The following KIF5A variants were observed in gnomAD, a reference collection of about 807,000 sequenced individuals.
KIF5A encodes kinesin heavy chain isoform 5A.
A neutral mutation model predicts 141.3 loss-of-function variants in KIF5A; 35 were observed. That is an observed-to-expected ratio of 0.25 (90% confidence interval 0.19 to 0.33). The LOEUF (loss-of-function observed/expected upper bound fraction) is 0.33, where lower values mean the gene tolerates loss of function less well. Among genes scored for constraint, KIF5A ranks in the 10% least tolerant of loss-of-function variants. The pLI, the probability that KIF5A is intolerant of heterozygous loss-of-function variation, is 1.00. For synonymous variants in KIF5A, 448 were observed against 500.2 expected (o/e 0.90, Z 1.39); for missense variants, 861 against 1,314.3 (o/e 0.66, Z 5.33).
At chr12:57,561,988 C>T (rs1881921116) in intron 1 of KIF5A, among the ~76,000 whole-genome samples, 1 of 152,196 alleles carries the variant, frequency 6.6e-6, no homozygotes, top group African/African-American at 2.4e-5. Context: ...TAAAGATGGA[C>T]TCTGTAGTAA....
chr12:57,556,861 G>A (rs1881763836), intron 1 of KIF5A, among the ~76,000 whole-genome samples: 1 of 152,060 alleles, frequency 6.6e-6, no homozygotes, highest in African/African-American at 2.4e-5. Flanking sequence ...GGCTGCACTG[G>A]CAGTTGATTA....
intron 1 of KIF5A, among the ~76,000 whole-genome samples, chr12:57,554,032 G>C (rs1881659526): frequency 6.6e-6 from 1 of 152,196 alleles, no homozygotes; most frequent in African/African-American, 2.4e-5. Context: ...TGGAAAAAGG[G>C]AGTGATGAAA....
At chr12:57,579,239 A>G (rs2140170296) in intron 23 of KIF5A, among the ~76,000 whole-genome samples, 1 of 152,212 alleles carries the variant, frequency 6.6e-6, no homozygotes, top group East Asian at 1.9e-4. Flanking sequence ...GGCAGTCCAA[A>G]GGAGTCAGGA....
At chr12:57,554,470 A>G (rs1565692327) in intron 1 of KIF5A, among the ~76,000 whole-genome samples, 1 of 152,142 alleles carries the variant, frequency 6.6e-6, no homozygotes, top group South Asian at 2.1e-4. Flanking sequence ...AGTGGGTAAC[A>G]CTTTTCCTTT....
At chr12:57,562,104 G>T (rs1257128579) in intron 1 of KIF5A, among the ~76,000 whole-genome samples, 1 of 152,192 alleles carries the variant, frequency 6.6e-6, no homozygotes, top group Non-Finnish European at 1.5e-5. Flanking sequence ...ATATTCATTG[G>T]TTAGCTTCCT....
intron 23 of KIF5A, among the ~76,000 whole-genome samples, chr12:57,579,584 G>T (rs141722158): frequency 6.6e-6 from 1 of 152,122 alleles, no homozygotes; most frequent in African/African-American, 2.4e-5. Context: ...CCTGCAGAGG[G>T]CTTTGCTACG....
intron 1 of KIF5A, among the ~76,000 whole-genome samples, chr12:57,561,243 T>C (rs1356686386): frequency 6.6e-6 from 1 of 152,202 alleles, no homozygotes; most frequent in East Asian, 1.9e-4. Flanking sequence ...TTTCACCATG[T>C]TGCCCAGTCT....
chr12:57,560,562 G>T (rs1470302907), intron 1 of KIF5A, among the ~76,000 whole-genome samples: 1 of 152,148 alleles, frequency 6.6e-6, no homozygotes, highest in Non-Finnish European at 1.5e-5. Context: ...GAGGTGAAAA[G>T]AAATTTTACC....
chr12:57,575,275 G>A lies in KIF5A; in HGVS notation c.1905+3G>A. Reference sequence around the variant, plus strand: ...CCTGCCAGCTCCTCATCTCTCAGGTGAGTGCCTAAGTTTGAGAACCTTCAG... The same window carrying A: ...CCTGCCAGCTCCTCATCTCTCAGGTAAGTGCCTAAGTTTGAGAACCTTCAG... On this transcript the variant is annotated splice_donor_region_variant and intron_variant, in intron 16 of 28. Transcript: ENST00000455537. The A allele has an allele frequency of 1.9e-6, 3 of 1,612,528 alleles. No individual in the cohort carries two copies. Among genetic ancestry groups the A allele is most frequent in the Non-Finnish European group, 2.5e-6 (3 of 1,179,350 alleles).
In KIF5A at chr12:57,577,716, T is replaced by G. The variant is rs773966928; in HGVS notation, c.2304T>G (p.Phe768Leu). The G allele has an allele frequency of 1.2e-6, 2 of 1,613,574 alleles. No individual in the cohort carries two copies. Among genetic ancestry groups the G allele is most frequent in the Non-Finnish European group, 8.5e-7 (1 of 1,179,588 alleles). ...EKSTKLQELTFLYERHEQSKQ... is the reference protein window; with the variant it reads ...EKSTKLQELTLLYERHEQSKQ... ...TCCCTTATTTCTCTTGCTACAGATTTCTGTACGAGCGACATGAGCAGTCCA... is the reference window on the plus strand; with the variant it reads ...TCCCTTATTTCTCTTGCTACAGATTGCTGTACGAGCGACATGAGCAGTCCA... The change falls in exon 21 of 29, where the codon TTT becomes TTG. Residue 768 changes from phenylalanine (F) to leucine (L), a missense_variant. Phe to Leu is a conservative substitution (Grantham distance 22). Around this residue, in one of 5 missense-constraint regions of KIF5A, gnomAD observed 482 missense variants for 661.3 expected, o/e 0.73. Transcript: ENST00000455537.
chr12:57,583,513 G>A (rs908027405), intron 28 of KIF5A, among the ~76,000 whole-genome samples: 1 of 152,172 alleles, frequency 6.6e-6, no homozygotes, highest in African/African-American at 2.4e-5. Flanking sequence ...GAGCTTGGCC[G>A]CTGTAGATTA....
At position 57,550,195 on chromosome 12, in the gene KIF5A, G is replaced by A. The variant is rs1386157380; in HGVS notation, c.-77G>A. On this transcript the variant is annotated 5_prime_UTR_variant, in exon 1 of 29. Coordinates refer to ENST00000455537, the MANE Select transcript of KIF5A (RefSeq NM_004984.4). This position sits in a 1 kb window ranked among gnomAD's most constrained non-coding sequence, Gnocchi z 4.6. Reference sequence around the variant, plus strand: ...GCACCTGTCCTCCGCCTCGGCCTCTGCTGAGAGCCCTCTCCTCTGGAGCAC... The same window carrying A: ...GCACCTGTCCTCCGCCTCGGCCTCTACTGAGAGCCCTCTCCTCTGGAGCAC... 3 of 1,600,974 alleles carry A rather than the reference G, an allele frequency of 1.9e-6. No homozygotes were observed. Among genetic ancestry groups the A allele is most frequent in the Non-Finnish European group, 2.6e-6 (3 of 1,172,230 alleles).
chr12:57,580,956 C>A lies in KIF5A; in HGVS notation c.2539C>A (p.Leu847Met), dbSNP rs1003993907. 1 of 1,613,736 alleles carries A rather than the reference C, an allele frequency of 6.2e-7. No individual in the cohort carries two copies. The highest frequency in any genetic ancestry group is 8.5e-7 in the Non-Finnish European group (1 of 1,179,884). ...TTCTTCCCTTTGGCTTGCCCCATAG[C>A]TGGTACGTGACAATGCAGATCTGCG... is the stretch of plus-strand genomic sequence containing the variant. ...LEQLTKVHKQ[L>M]VRDNADLRCE... The change falls in exon 24 of 29, where the codon CTG becomes ATG. Residue 847 changes from leucine to methionine, a missense_variant and splice_region_variant. Around this residue, in one of 5 missense-constraint regions of KIF5A, gnomAD observed 482 missense variants for 661.3 expected, o/e 0.73. Coordinates refer to ENST00000455537, the MANE Select transcript of KIF5A (RefSeq NM_004984.4).
At chr12:57,552,886 TCA>T (rs1282791846) in intron 1 of KIF5A, among the ~76,000 whole-genome samples, 1 of 152,056 alleles carries the variant, frequency 6.6e-6, no homozygotes. Flanking sequence ...GCGCTGAGCT[TCA>T]GAGTCCCTTC....
At chr12:57,581,234 A>C in intron 24 of KIF5A, 62 bp downstream of exon 24, 1 of 1,538,698 alleles carries the variant, frequency 6.5e-7, no homozygotes, top group Non-Finnish European at 8.9e-7. Context: ...CAAATTGCTA[A>C]TTGCCAAGCA....
In KIF5A at chr12:57,563,636, C is replaced by T; in HGVS notation, c.234C>T (p.Tyr78=). 1 of 1,614,130 alleles carries T rather than the reference C, an allele frequency of 6.2e-7. No homozygotes were observed. Among genetic ancestry groups the T allele is most frequent in the Non-Finnish European group, 8.5e-7 (1 of 1,179,996 alleles). The change falls in exon 3 of 29, where the codon TAC becomes TAT. Residue 78 remains tyrosine (Y), a synonymous_variant. Transcript: ENST00000455537. ...MQIVKDVLAG[Y]NGTIFAYGQT... is the part of the protein sequence containing the mutation. ...CTCTTCCAGATGTCCTTGCTGGCTACAATGGCACCATTTTTGCTTATGGAC... is the reference window on the plus strand; with the variant it reads ...CTCTTCCAGATGTCCTTGCTGGCTATAATGGCACCATTTTTGCTTATGGAC...
chr12:57,554,769 C>T lies in KIF5A; in HGVS notation c.129+4369C>T, dbSNP rs118172419. Among the ~76,000 whole-genome samples the T allele has an allele frequency of 3.2e-3, 482 of 152,116 alleles. 19 individuals are homozygous for T. In the East Asian group the frequency reaches 0.069, roughly 22 times the overall value. On this transcript the variant is annotated intron_variant, in intron 1 of 28. Coordinates refer to ENST00000455537, the MANE Select transcript of KIF5A (RefSeq NM_004984.4). The stretch of plus-strand genomic sequence containing the variant: ...CAAAGAGGGAGCAGGAATCACATGG[C>T]GAGAGAGGGAAAAAGAGGGAGAGCA...
intron 1 of KIF5A, among the ~76,000 whole-genome samples, chr12:57,562,318 C>T (rs536872473): frequency 1.4e-3 from 210 of 152,282 alleles, no homozygotes; most frequent in African/African-American, 4.5e-3. Flanking sequence ...TGGGTTCAAG[C>T]GATTCTCCTG....
intron 20 of KIF5A, 122 bp downstream of exon 20, chr12:57,576,984 T>C (rs1411919518): frequency 1.2e-5 from 9 of 735,094 alleles, no homozygotes; most frequent in African/African-American, 8.7e-5. Flanking sequence ...GGGAAAAATA[T>C]GATGGGGTAG....
Sources: gnomAD v4.1 joint callset for allele counts (sites outside exome capture counted in the v4.1 genomes callset) on GRCh38, gnomAD v4.1.1 for gene constraint, gnomAD v4.1.1 regional missense constraint, Gnocchi (gnomAD v3.1) non-coding constraint, MANE v1.5 for transcripts, NCBI Gene and HGNC (gene_info 2026-07-23, HGNC 2026-07-21) for gene names.